CYP2J2: variants seen among roughly 807,000 people sequenced by gnomAD.
CYP2J2 encodes the protein cytochrome P450 family 2 subfamily J member 2.
In CYP2J2, 41 loss-of-function variants were observed where a neutral mutation model predicts 48.8. That is an observed-to-expected ratio of 0.84 (90% CI 0.66 to 1.09). The LOEUF is 1.09. Ranked by LOEUF, CYP2J2 falls within the 50% of genes least tolerant of loss-of-function variation. The pLI, the probability that CYP2J2 is intolerant of heterozygous loss-of-function variation, is 0.00. For synonymous variants in CYP2J2, 221 were observed against 227.1 expected (o/e 0.97, Z 0.24); for missense variants, 644 against 617.3 (o/e 1.04, Z -0.46).
At chr1:59,944,085 T>C in the CYP2J2 span, among the ~76,000 whole-genome samples, 18,940 of 152,176 alleles carry the variant, frequency 0.12, 1,568 homozygotes, top group African/African-American at 0.24. Context: ...TTTAATAAAA[T>C]ATCTTAGCCG....
the CYP2J2 span, among the ~76,000 whole-genome samples, chr1:59,935,939 A>C: frequency 6.6e-6 from 1 of 152,116 alleles, no homozygotes; most frequent in Admixed American, 6.6e-5. Context: ...ATGCCTGGCT[A>C]ATTTTTTTGT....
chr1:59,917,025 A>G (rs1455558254), intron 1 of CYP2J2, among the ~76,000 whole-genome samples: 1 of 152,152 alleles, frequency 6.6e-6, no homozygotes, highest in East Asian at 1.9e-4. Flanking sequence ...GGCATGGAGG[A>G]AAGCCCTCGA....
the CYP2J2 span, among the ~76,000 whole-genome samples, chr1:59,933,382 A>G: frequency 6.6e-6 from 1 of 152,226 alleles, no homozygotes; most frequent in Non-Finnish European, 1.5e-5. Flanking sequence ...TATTAACCCA[A>G]CTACATCAAT....
the CYP2J2 span, among the ~76,000 whole-genome samples, chr1:59,949,447 T>C: frequency 6.6e-6 from 1 of 152,212 alleles, no homozygotes; most frequent in Non-Finnish European, 1.5e-5. Flanking sequence ...TTGTATATTT[T>C]TGACTTATTT....
the CYP2J2 span, among the ~76,000 whole-genome samples, chr1:59,938,122 C>T: frequency 6.6e-6 from 1 of 152,116 alleles, no homozygotes; most frequent in Non-Finnish European, 1.5e-5. Flanking sequence ...GGATTGTCTT[C>T]ATATTTGTGG....
the CYP2J2 span, among the ~76,000 whole-genome samples, chr1:59,967,167 G>A: frequency 0.05 from 7,585 of 152,148 alleles, 446 homozygotes; most frequent in African/African-American, 0.14. Flanking sequence ...AATGAGCTGA[G>A]ATAACCACTA....
chr1:59,952,857 T>G, the CYP2J2 span, among the ~76,000 whole-genome samples: 1 of 152,174 alleles, frequency 6.6e-6, no homozygotes, highest in East Asian at 1.9e-4. Context: ...ATCTTTTGTT[T>G]GCATGAAAAT....
intron 1 of CYP2J2, among the ~76,000 whole-genome samples, chr1:59,924,088 A>C (rs898360181): frequency 2.6e-5 from 4 of 152,194 alleles, no homozygotes; most frequent in African/African-American, 9.6e-5. Context: ...TATGGGGGAT[A>C]ACAATTCAGA....
chr1:59,959,974 A>C, the CYP2J2 span, among the ~76,000 whole-genome samples: 2 of 152,140 alleles, frequency 1.3e-5, no homozygotes, highest in African/African-American at 4.8e-5. Flanking sequence ...GGGTGTATCA[A>C]AATGTCAGAA....
chr1:59,917,743 G>A (rs1644479662), intron 1 of CYP2J2, among the ~76,000 whole-genome samples: 1 of 152,214 alleles, frequency 6.6e-6, no homozygotes, highest in Non-Finnish European at 1.5e-5. Context: ...CCTTCCTAAT[G>A]TATCTGTTCA....
At chr1:59,965,469 G>A in the CYP2J2 span, among the ~76,000 whole-genome samples, 6 of 152,314 alleles carry the variant, frequency 3.9e-5, no homozygotes, top group East Asian at 5.8e-4. Context: ...GAGCATAAGA[G>A]ATACAGTGTG....
intron 2 of CYP2J2, among the ~76,000 whole-genome samples, chr1:59,914,480 CCTCTTTGCCCCAAT>C (rs1419730687): frequency 2.6e-5 from 4 of 152,170 alleles, no homozygotes; most frequent in Admixed American, 6.5e-5. Flanking sequence ...TTTTCCCCAA[CCTCTTTGCCCCAAT>C]CTCTTTGCCC....
chr1:59,895,128 C>T (rs1195590191), intron 8 of CYP2J2, among the ~76,000 whole-genome samples: 1 of 152,210 alleles, frequency 6.6e-6, no homozygotes, highest in Non-Finnish European at 1.5e-5. Context: ...AACACTGATG[C>T]ATGACCAACA....
the CYP2J2 span, among the ~76,000 whole-genome samples, chr1:59,951,417 T>C: frequency 1.5e-3 from 229 of 152,284 alleles, no homozygotes; most frequent in Non-Finnish European, 3.0e-3. Flanking sequence ...CTTAAGGTTC[T>C]TCACATTTAA....
chr1:59,905,341 C>T (rs1329382222), intron 6 of CYP2J2, among the ~76,000 whole-genome samples: 1 of 152,190 alleles, frequency 6.6e-6, no homozygotes, highest in African/African-American at 2.4e-5. Flanking sequence ...GACCCACTTT[C>T]TGGTATACAA....
intron 1 of CYP2J2, among the ~76,000 whole-genome samples, chr1:59,924,085 G>C (rs994447918): frequency 6.6e-6 from 1 of 152,142 alleles, no homozygotes; most frequent in African/African-American, 2.4e-5. Flanking sequence ...ACATATGGGG[G>C]ATAACAATTC....
chr1:59,899,659 G>A (rs1278396706), intron 8 of CYP2J2, among the ~76,000 whole-genome samples: 4 of 152,206 alleles, frequency 2.6e-5, no homozygotes, highest in Non-Finnish European at 4.4e-5. Flanking sequence ...TAATCTGGTT[G>A]ACATTGATCC....
the CYP2J2 span, among the ~76,000 whole-genome samples, chr1:59,937,034 G>T: frequency 2.4e-3 from 364 of 152,308 alleles, no homozygotes; most frequent in Non-Finnish European, 4.0e-3. Flanking sequence ...ATTCAAACAG[G>T]ATTAAAATTT....
At chr1:59,899,992 G>T (rs1219454929) in intron 8 of CYP2J2, among the ~76,000 whole-genome samples, 1 of 152,210 alleles carries the variant, frequency 6.6e-6, no homozygotes, top group Non-Finnish European at 1.5e-5. Flanking sequence ...ATTGTTCAAT[G>T]TCGTGAGTTA....
Sources: gnomAD v4.1 joint callset for allele counts (sites outside exome capture counted in the v4.1 genomes callset) on GRCh38, gnomAD v4.1.1 for gene constraint, MANE v1.5 for transcripts, NCBI Gene and HGNC (gene_info 2026-07-23, HGNC 2026-07-21) for gene names.